The following MCF2L2 variants were observed in gnomAD, a reference collection of about 807,000 sequenced individuals.
MCF2L2 encodes the protein MCF.2 cell line derived transforming sequence-like 2.
A neutral mutation model predicts 150.2 loss-of-function variants in MCF2L2; 102 were observed. The observed-to-expected ratio is 0.68, with a 90% CI of 0.58 to 0.80. MCF2L2 has a LOEUF of 0.80. Ranked by LOEUF, MCF2L2 falls within the 30% of genes least tolerant of loss-of-function variation. MCF2L2 has a pLI of 0.00. For synonymous variants in MCF2L2, 465 were observed against 491.3 expected, an observed-to-expected ratio of 0.95 and a Z score of 0.71; for missense variants, 1,256 against 1,372.8, an observed-to-expected ratio of 0.91 and a Z score of 1.34.
Position 183,376,424 on chromosome 3 carries a change from T to G in MCF2L2, c.275+2873A>C, listed in dbSNP as rs1713191429. 2.0e-5 allele frequency: 3 copies of G among 152,222 alleles called. No homozygotes were observed. The South Asian group carries it at 6.2e-4, about 32-fold the overall frequency. The allele number at this position is 152,222 out of a possible 1,614,324, so 9.4% of individuals were successfully genotyped here. A position where few individuals can be genotyped will look rare whatever the true frequency, so the allele number is the denominator to read the frequency against. ...ACTCCTCCTATTGTCTACATCCCTA[T>G]TCACCCTCTTCCTTGCCGCTCCCAC... On this transcript the variant is annotated intron_variant, in intron 3 of 29. Transcript: ENST00000328913.
chr3:183,180,848 T>A (rs1370369631), intron 27 of MCF2L2, among the ~76,000 whole-genome samples: 1 of 152,200 alleles, frequency 6.6e-6, no homozygotes, highest in African/African-American at 2.4e-5. Context: ...CAGACAGCAA[T>A]GGTCACTTGG....
chr3:183,354,154 C>A (rs943329355), intron 3 of MCF2L2, among the ~76,000 whole-genome samples: 20 of 152,196 alleles, frequency 1.3e-4, no homozygotes, highest in African/African-American at 4.8e-4. Flanking sequence ...ACTAACACAA[C>A]AGATTCTTTA....
chr3:183,382,947 C>T lies in MCF2L2; in HGVS notation c.161-3536G>A, dbSNP rs189576786. ...GGTTGCAAAGCATCTTCCTACTGCT[C>T]TTTGCCTTCCAGTATCTATTTTCCC... On this transcript the variant is annotated intron_variant, in intron 2 of 29. Coordinates refer to ENST00000328913, the MANE Select transcript of MCF2L2 (RefSeq NM_015078.4). Among the ~76,000 whole-genome samples, 41 of 152,278 alleles carry T rather than the reference C, an allele frequency of 2.7e-4. No individual in the cohort carries two copies. In the East Asian group the frequency reaches 6.6e-3, roughly 24 times the overall value.
chr3:183,257,624 CT>C (rs1353280253), intron 15 of MCF2L2, among the ~76,000 whole-genome samples: 1 of 152,124 alleles, frequency 6.6e-6, no homozygotes, highest in African/African-American at 2.4e-5. Flanking sequence ...CCATCTTCTA[CT>C]TTTTGTACCT....
At chr3:183,395,848 G>A (rs1335519552) in intron 1 of MCF2L2, among the ~76,000 whole-genome samples, 1 of 150,626 alleles carries the variant, frequency 6.6e-6, no homozygotes, top group African/African-American at 2.5e-5. Context: ...AACCTGGGAG[G>A]CGGAGGTTGC....
chr3:183,337,748 G>A (rs978305072), intron 5 of MCF2L2, among the ~76,000 whole-genome samples: 7 of 151,928 alleles, frequency 4.6e-5, no homozygotes, highest in East Asian at 3.9e-4. Flanking sequence ...AATGAATATC[G>A]CTGTCTAAGC....
intron 15 of MCF2L2, among the ~76,000 whole-genome samples, chr3:183,260,818 A>G (rs1329579070): frequency 1.3e-5 from 2 of 152,236 alleles, no homozygotes; most frequent in African/African-American, 4.8e-5. Context: ...CATGATTGCC[A>G]TAGTGGAATT....
At chr3:183,368,896 C>A (rs1483628338) in intron 3 of MCF2L2, among the ~76,000 whole-genome samples, 2 of 152,140 alleles carry the variant, frequency 1.3e-5, no homozygotes, top group African/African-American at 4.8e-5. Flanking sequence ...TTTATCATCT[C>A]CGTGAGGATG....
intron 27 of MCF2L2, among the ~76,000 whole-genome samples, chr3:183,191,314 A>G (rs1185315484): frequency 1.3e-5 from 2 of 152,174 alleles, no homozygotes; most frequent in Non-Finnish European, 2.9e-5. Context: ...ATTTGTTACA[A>G]TGGATGAACG....
chr3:183,359,746 A>G (rs1712013542), intron 3 of MCF2L2, among the ~76,000 whole-genome samples: 1 of 152,224 alleles, frequency 6.6e-6, no homozygotes, highest in Non-Finnish European at 1.5e-5. Flanking sequence ...GAAGGGTGCC[A>G]TATAGGCTGT....
Position 183,318,083 on chromosome 3 carries a change from C to T in MCF2L2, c.738G>A (p.Gln246=), listed in dbSNP as rs747264214. ...GACCGCTCACCTGCAGCTTGTCCCG[C>T]TGCCTTGTGTGGGACATGAGAAGGT... ...TEDLLMSHTR[Q]RDKLQDELKL... is the part of the protein sequence containing the mutation. Residue 246 remains glutamine (Q), a synonymous_variant, in exon 7 of 30, where the codon CAG becomes CAA. Coordinates refer to ENST00000328913, the MANE Select transcript of MCF2L2 (RefSeq NM_015078.4). 3.7e-6 allele frequency: 6 copies of T among 1,613,978 alleles called. No homozygotes were observed. Among genetic ancestry groups the T allele is most frequent in the South Asian group, 1.1e-5 (1 of 91,054 alleles).
At chr3:183,326,181 G>A (rs1373066627) in intron 5 of MCF2L2, among the ~76,000 whole-genome samples, 3 of 152,076 alleles carry the variant, frequency 2.0e-5, no homozygotes, top group Admixed American at 2.0e-4. Context: ...ACGATCAATT[G>A]ATTTTTTAAA....
At position 183,215,465 on chromosome 3, in the gene MCF2L2, C is replaced by T. The variant is rs900223980; in HGVS notation, c.2496+504G>A. 2.0e-5 allele frequency among the ~76,000 whole-genome samples: 3 copies of T among 152,200 alleles called. No individual in the cohort carries two copies. The South Asian group carries it at 6.2e-4, about 31-fold the overall frequency. On this transcript the variant is annotated intron_variant, in intron 22 of 29. Transcript: ENST00000328913. ...GAGCTCAACTCCCCAGCATTGGCCTCTAACTGCATCTCTTGGGTTTTCTTT... is the reference window on the plus strand; with the variant it reads ...GAGCTCAACTCCCCAGCATTGGCCTTTAACTGCATCTCTTGGGTTTTCTTT...
intron 2 of MCF2L2, among the ~76,000 whole-genome samples, chr3:183,384,092 C>A (rs1713690278): frequency 1.3e-5 from 2 of 152,216 alleles, no homozygotes; most frequent in African/African-American, 4.8e-5. Flanking sequence ...CAGGAACATA[C>A]ATGCAGAACT....
chr3:183,318,553 A>C (rs539441978), intron 6 of MCF2L2, among the ~76,000 whole-genome samples: 1 of 152,354 alleles, frequency 6.6e-6, no homozygotes, highest in African/African-American at 2.4e-5. Context: ...TGACACCCAG[A>C]AAATGCACTG....
At position 183,427,981 on chromosome 3, in the gene MCF2L2, A is replaced by C; in HGVS notation, c.-4T>G. 6.2e-7 allele frequency: 1 copy of C among 1,611,618 alleles called. No homozygotes were observed. On this transcript the variant is annotated 5_prime_UTR_variant, in exon 1 of 30. The change abolishes the stop of an existing upstream ORF in the 5' untranslated region. Coordinates refer to ENST00000328913, the MANE Select transcript of MCF2L2 (RefSeq NM_015078.4). The stretch of plus-strand genomic sequence containing the variant: ...CTTCTTTTAAGCAAGACAGCATTTC[A>C]CTGAAAAACCATTCCGTATAAATAA...
chr3:183,207,286 A>C (rs372302199), intron 23 of MCF2L2, among the ~76,000 whole-genome samples: 2 of 152,356 alleles, frequency 1.3e-5, no homozygotes, highest in East Asian at 3.9e-4. Flanking sequence ...AATCCAGCCC[A>C]TGTTCTCATC....
chr3:183,294,472 C>T (rs1357581461), intron 13 of MCF2L2, among the ~76,000 whole-genome samples: 2 of 151,494 alleles, frequency 1.3e-5, no homozygotes, highest in Non-Finnish European at 2.9e-5. Context: ...CTGCCTCAGC[C>T]TCCTGAGTAG....
intron 22 of MCF2L2, among the ~76,000 whole-genome samples, chr3:183,213,851 C>G (rs1560345522): frequency 1.3e-5 from 2 of 152,158 alleles, no homozygotes; most frequent in African/African-American, 2.4e-5. Flanking sequence ...TTATACAAAA[C>G]TGTCAGGAGA....
Sources: allele counts gnomAD v4.1 joint callset (sites outside exome capture counted in the v4.1 genomes callset), GRCh38; gene constraint gnomAD v4.1.1; transcripts MANE v1.5; gene names NCBI Gene and HGNC (gene_info 2026-07-23, HGNC 2026-07-21).